MBTPS1: variants seen among roughly 807,000 people sequenced by gnomAD.
MBTPS1 encodes membrane bound transcription factor peptidase, site 1, also known as membrane-bound transcription factor site-1 protease.
In MBTPS1, 94 loss-of-function variants were observed where a neutral mutation model predicts 127.8. The observed-to-expected ratio is 0.74, with a 90% CI of 0.62 to 0.87. The LOEUF (loss-of-function observed/expected upper bound fraction) is 0.87. Among genes scored for constraint, MBTPS1 ranks in the 40% least tolerant of loss-of-function variants. MBTPS1 has a pLI of 0.00. For synonymous variants in MBTPS1, 632 were observed against 509.4 expected, an observed-to-expected ratio of 1.24 and a Z score of -3.24; for missense variants, 1,636 against 1,353.2, an observed-to-expected ratio of 1.21 and a Z score of -3.28.
At chr16:84,058,356 T>G (rs1332124998) in intron 21 of MBTPS1, among the ~76,000 whole-genome samples, 3 of 152,092 alleles carry the variant, frequency 2.0e-5, no homozygotes. Context: ...CCCCATACCA[T>G]CACTGGAGGA....
At chr16:84,064,987 CA>C (rs1298553303) in intron 18 of MBTPS1, among the ~76,000 whole-genome samples, 1 of 152,206 alleles carries the variant, frequency 6.6e-6, no homozygotes, top group Non-Finnish European at 1.5e-5. Context: ...CTGAAATACA[CA>C]GTATCAAACT....
intron 3 of MBTPS1, among the ~76,000 whole-genome samples, chr16:84,097,143 C>A (rs8049980): frequency 6.6e-6 from 1 of 152,172 alleles, no homozygotes; most frequent in Non-Finnish European, 1.5e-5. Context: ...TACTGTCACG[C>A]AGAAAACAGA....
Position 84,054,193 on chromosome 16 carries a change from T to G in MBTPS1, c.*256A>C. On this transcript the variant is annotated 3_prime_UTR_variant, in exon 23 of 23. Transcript: ENST00000343411. ...CTTTCCAGTTCTCCCGAGTCTTTGGTGCGCACAGCTGCCGGCGGGAAGTCT... is the reference window on the plus strand; with the variant it reads ...CTTTCCAGTTCTCCCGAGTCTTTGGGGCGCACAGCTGCCGGCGGGAAGTCT... The G allele has an allele frequency of 3.0e-6, 1 of 333,142 alleles. No homozygotes were observed. The allele number at this position is 333,142 out of a possible 1,614,324, so 20.6% of individuals were successfully genotyped here.
intron 1 of MBTPS1, among the ~76,000 whole-genome samples, chr16:84,115,014 T>C (rs3785030): frequency 0.56 from 84,400 of 150,940 alleles, 23,906 homozygotes; most frequent in East Asian, 0.76. Flanking sequence ...CTACAACCTC[T>C]GCCGCCTGGG....
intron 9 of MBTPS1, among the ~76,000 whole-genome samples, chr16:84,085,655 A>T (rs1159798472): frequency 6.6e-6 from 1 of 151,828 alleles, no homozygotes; most frequent in Non-Finnish European, 1.5e-5. Context: ...GTAGAAAGTA[A>T]ATTTTTAAAA....
intron 1 of MBTPS1, among the ~76,000 whole-genome samples, chr16:84,104,966 G>T (rs2086303534): frequency 6.6e-6 from 1 of 151,946 alleles, no homozygotes; most frequent in African/African-American, 2.4e-5. Flanking sequence ...GTTGGGCATT[G>T]TGGTGCATGC....
chr16:84,068,251 C>G (rs1672904005), intron 15 of MBTPS1, 88 bp downstream of exon 15: 16 of 938,054 alleles, frequency 1.7e-5, no homozygotes, highest in Non-Finnish European at 2.8e-5. Context: ...GTAGCTATCA[C>G]TGAAAACTGG....
intron 3 of MBTPS1, among the ~76,000 whole-genome samples, chr16:84,096,271 C>T (rs192974077): frequency 2.5e-4 from 38 of 152,276 alleles, no homozygotes; most frequent in Admixed American, 2.2e-3. Flanking sequence ...GGACTTAAAA[C>T]AACTGTATAT....
Position 84,067,908 on chromosome 16 carries a change from T to C in MBTPS1, c.2072-85A>G, listed in dbSNP as rs916218985. ...GGCAGAAACAGTGTCACCAGGTACA[T>C]GTCTCAGGTTACTGACACCTAACAG... On this transcript the variant is annotated intron_variant, in intron 15 of 22. Transcript: ENST00000343411. 10 of 1,339,704 alleles carry C rather than the reference T, an allele frequency of 7.5e-6. No individual in the cohort carries two copies. The Admixed American group carries it at 8.3e-5, about 11-fold the overall frequency. 83.0% of individuals were successfully genotyped at this position (1,339,704 alleles called of 1,614,324 possible).
intron 1 of MBTPS1, among the ~76,000 whole-genome samples, chr16:84,110,543 CTT>C (rs2086383930): frequency 6.6e-6 from 1 of 152,232 alleles, no homozygotes; most frequent in African/African-American, 2.4e-5. Context: ...ACATTAAAAA[CTT>C]TTCGTCTAAC....
At chr16:84,103,457 G>A (rs1018420599) in intron 1 of MBTPS1, among the ~76,000 whole-genome samples, 3 of 151,860 alleles carry the variant, frequency 2.0e-5, no homozygotes, top group Admixed American at 6.6e-5. Context: ...AAGCAGTCTC[G>A]GCATTTTGTC....
intron 11 of MBTPS1, among the ~76,000 whole-genome samples, chr16:84,077,913 C>A (rs938991057): frequency 6.7e-6 from 1 of 149,204 alleles, no homozygotes; most frequent in African/African-American, 2.5e-5. Flanking sequence ...AAGAAATGAA[C>A]AGACAATTCA....
chr16:84,106,665 A>G (rs1425569969), intron 1 of MBTPS1, among the ~76,000 whole-genome samples: 1 of 152,230 alleles, frequency 6.6e-6, no homozygotes, highest in African/African-American at 2.4e-5. Context: ...TGGGAAGAGA[A>G]AGCATGAGGC....
At chr16:84,115,055 A>T (rs1000104133) in intron 1 of MBTPS1, among the ~76,000 whole-genome samples, 8 of 151,768 alleles carry the variant, frequency 5.3e-5, no homozygotes, top group Non-Finnish European at 8.8e-5. Flanking sequence ...CAGCCTCCCG[A>T]GTAGCTGGGA....
Position 84,093,307 on chromosome 16 carries a change from A to C in MBTPS1, c.737-10T>G, listed in dbSNP as rs2086135726. 1.3e-6 allele frequency: 2 copies of C among 1,578,370 alleles called. No homozygotes were observed. The highest frequency in any genetic ancestry group is 1.7e-5 in the Admixed American group (1 of 59,936). On this transcript the variant is annotated splice_polypyrimidine_tract_variant and intron_variant, in intron 5 of 22. Coordinates refer to ENST00000343411, the MANE Select transcript of MBTPS1 (RefSeq NM_003791.4). The stretch of plus-strand genomic sequence containing the variant: ...GTGCCATGGCCCAACCCTGCAGTCC[A>C]TAAAGAAAACAATCCCATAAAACAC...
chr16:84,103,253 A>ATT (rs201254157), intron 1 of MBTPS1, among the ~76,000 whole-genome samples: 3 of 146,196 alleles, frequency 2.1e-5, no homozygotes, highest in Admixed American at 6.8e-5. Context: ...TATTATTATT[A>ATT]TTATTTTTTT....
chr16:84,067,456 G>C (rs1011984441), intron 16 of MBTPS1, among the ~76,000 whole-genome samples: 1 of 152,104 alleles, frequency 6.6e-6, no homozygotes, highest in Non-Finnish European at 1.5e-5. Flanking sequence ...AGGTTCAACC[G>C]ATCTGCCCAA....
chr16:84,070,880 T>A (rs1308535986), intron 12 of MBTPS1, 104 bp from the exon 13 acceptor site: 2 of 826,138 alleles, frequency 2.4e-6, no homozygotes, highest in Non-Finnish European at 3.8e-6. Context: ...TTCCGAGAAA[T>A]ACTTCACTAA....
At chr16:84,088,719 A>G (rs1459634116) in intron 8 of MBTPS1, among the ~76,000 whole-genome samples, 2 of 151,950 alleles carry the variant, frequency 1.3e-5, no homozygotes, top group Non-Finnish European at 2.9e-5. Context: ...AGCAAAGGGG[A>G]CCGGAGGATG....
Sources: allele counts gnomAD v4.1 joint callset (sites outside exome capture counted in the v4.1 genomes callset), GRCh38; gene constraint gnomAD v4.1.1; transcripts MANE v1.5; gene names NCBI Gene and HGNC (gene_info 2026-07-23, HGNC 2026-07-21).